EZR: variants seen among roughly 807,000 people sequenced by gnomAD.
EZR encodes the protein ezrin, also known as cytovillin 2.
EZR carries 40 observed loss-of-function variants against 74.8 expected under a neutral mutation model. That is an observed-to-expected ratio of 0.53 (90% CI 0.42 to 0.70). EZR has a LOEUF of 0.70. Ranked by LOEUF, EZR falls within the 30% of genes least tolerant of loss-of-function variation. The pLI is 0.00. For synonymous variants in EZR, 341 were observed against 283.3 expected, an observed-to-expected ratio of 1.20 and a Z score of -2.05; for missense variants, 678 against 755.8, an observed-to-expected ratio of 0.90 and a Z score of 1.21.
chr6:158,818,138 T>G lies in EZR; in HGVS notation c.-45A>C. 1 of 1,604,858 alleles carries G rather than the reference T, an allele frequency of 6.2e-7. No individual in the cohort carries two copies. Among genetic ancestry groups the G allele is most frequent in the African/African-American group, 1.3e-5 (1 of 74,810 alleles). On this transcript the variant is annotated 5_prime_UTR_variant, in exon 2 of 14. Coordinates refer to ENST00000367075, the MANE Select transcript of EZR (RefSeq NM_001111077.2). ...TCCTCGATCCCCGAAAACACGACTA[T>G]CCAGCAGCAGCGAAGACGCTGTCCC...
At position 158,769,935 on chromosome 6, in the gene EZR, T is replaced by C. The variant is rs573888893; in HGVS notation, c.1100A>G (p.Glu367Gly). 33 of 1,610,276 alleles carry C rather than the reference T, an allele frequency of 2.0e-5. 1 individual carries two copies. The South Asian group carries it at 3.4e-4, about 17-fold the overall frequency. Residue 367 changes from glutamate (E) to glycine (G), a missense_variant, in exon 11 of 14, where the codon GAG becomes GGG. Glu to Gly is a moderately conservative substitution (Grantham distance 98). Coordinates refer to ENST00000367075, the MANE Select transcript of EZR (RefSeq NM_001111077.2). ...CAGCTGCAGGGCCCTCTGAATCTGC[T>C]CCGAGAGCTCTGCAAAGACACAAAG... ...KTKKAERELSEQIQRALQLEE... is the reference protein window; with the variant it reads ...KTKKAERELSGQIQRALQLEE...
intron 2 of EZR, among the ~76,000 whole-genome samples, chr6:158,794,759 A>C (rs1243412706): frequency 6.6e-6 from 1 of 152,156 alleles, no homozygotes; most frequent in African/African-American, 2.4e-5. Context: ...AAAAAGGGCA[A>C]TATTTCTCCC....
rs1344100019 is a variant in EZR at position 158,785,444 on chromosome 6, AGGATTCCTTCCTTCACTTGG to A, written c.312_331del (p.Gln105Ter). 1 of 1,614,118 alleles carries A rather than the reference AGGATTCCTTCCTTCACTTGG, an allele frequency of 6.2e-7. No individual in the cohort carries two copies. Among genetic ancestry groups the A allele is most frequent in the Non-Finnish European group, 8.5e-7 (1 of 1,180,044 alleles). ...AGGGGGGCAGTAGATCTCATCGCTA[AGGATTCCTTCCTTCACTTGG>A]AGGAAGAAAAGTTTCTGGGTGATGT... On this transcript the variant is annotated frameshift_variant, in exon 5 of 14. Coordinates refer to ENST00000367075, the MANE Select transcript of EZR (RefSeq NM_001111077.2). LOFTEE classifies it high-confidence loss of function.
At chr6:158,805,770 T>C (rs1007297584) in intron 2 of EZR, among the ~76,000 whole-genome samples, 1 of 152,244 alleles carries the variant, frequency 6.6e-6, no homozygotes, top group Non-Finnish European at 1.5e-5. Context: ...CATTATAATT[T>C]GTACATCATT....
In EZR at chr6:158,812,938, C is replaced by G. The variant is rs946511064; in HGVS notation, c.12+5144G>C. Reference sequence around the variant, plus strand: ...CCACTTCTGTTCCCACCACCACCACCTTGGTCCAAGCTATGAGCTCCCTCA... The same window carrying G: ...CCACTTCTGTTCCCACCACCACCACGTTGGTCCAAGCTATGAGCTCCCTCA... On this transcript the variant is annotated intron_variant, in intron 2 of 13. Transcript: ENST00000367075. 2.6e-5 allele frequency among the ~76,000 whole-genome samples: 4 copies of G among 152,198 alleles called. No homozygotes were observed. In the East Asian group the frequency reaches 7.7e-4, roughly 29 times the overall value.
chr6:158,792,194 C>T (rs1791766389), intron 2 of EZR, among the ~76,000 whole-genome samples: 1 of 152,098 alleles, frequency 6.6e-6, no homozygotes, highest in African/African-American at 2.4e-5. Context: ...AAAGTTCACA[C>T]AACCCTTTTA....
intron 2 of EZR, among the ~76,000 whole-genome samples, chr6:158,807,084 G>C (rs542118263): frequency 1.7e-3 from 260 of 152,176 alleles, no homozygotes; most frequent in African/African-American, 6.0e-3. Context: ...AGGCTGAGGC[G>C]GGCGGATCAT....
chr6:158,811,351 AAC>A (rs1247555289), intron 2 of EZR, among the ~76,000 whole-genome samples: 4 of 47,140 alleles, frequency 8.5e-5, no homozygotes, highest in Non-Finnish European at 2.6e-4. Flanking sequence ...TGAAACATCT[AAC>A]TACCATTAGA....
intron 2 of EZR, among the ~76,000 whole-genome samples, chr6:158,803,445 T>C (rs890698670): frequency 4.0e-5 from 6 of 148,616 alleles, no homozygotes; most frequent in Non-Finnish European, 7.4e-5. Flanking sequence ...ACTCCTAAAA[T>C]AGTATCTTTA....
At chr6:158,779,221 A>G (rs1313893164) in intron 7 of EZR, among the ~76,000 whole-genome samples, 1 of 152,190 alleles carries the variant, frequency 6.6e-6, no homozygotes, top group African/African-American at 2.4e-5. Context: ...TAATGAGAAA[A>G]CACCAGACAA....
At chr6:158,793,701 T>C (rs1337457794) in intron 2 of EZR, among the ~76,000 whole-genome samples, 3 of 152,050 alleles carry the variant, frequency 2.0e-5, no homozygotes, top group Non-Finnish European at 2.9e-5. Flanking sequence ...CACTGGAACA[T>C]CTAAAAGCAA....
Position 158,784,704 on chromosome 6 carries a change from G to C in EZR, c.491C>G (p.Thr164Ser), listed in dbSNP as rs767690814. 2 of 1,614,164 alleles carry C rather than the reference G, an allele frequency of 1.2e-6. No individual in the cohort carries two copies. The highest frequency in any genetic ancestry group is 1.1e-5 in the South Asian group (1 of 91,078). ...PQRVMDQHKL[T>S]RDQWEDRIQV... ...GATCCGGTCCTCCCACTGGTCCCTGGTAAGTTTGTGCTGGTCCATCACTCT... is the reference window on the plus strand; with the variant it reads ...GATCCGGTCCTCCCACTGGTCCCTGCTAAGTTTGTGCTGGTCCATCACTCT... Residue 164 changes from threonine (T) to serine (S), a missense_variant, in exon 6 of 14, where the codon ACC becomes AGC. Thr to Ser is a moderately conservative substitution (Grantham distance 58). Coordinates refer to ENST00000367075, the MANE Select transcript of EZR (RefSeq NM_001111077.2).
chr6:158,791,683 A>T (rs1486168772), intron 2 of EZR, among the ~76,000 whole-genome samples: 3 of 147,836 alleles, frequency 2.0e-5, no homozygotes, highest in Non-Finnish European at 4.5e-5. Context: ...ACCAGAGTCC[A>T]TGCACACGAG....
rs1273626873 is a variant in EZR at position 158,801,509 on chromosome 6, C to T, written c.13-12138G>A. On this transcript the variant is annotated intron_variant, in intron 2 of 13. Transcript: ENST00000367075. ...TGCACAGAATTGTAACAAAAATTGT[C>T]ACATAATTCAGTAACATTTCAGTGC... Among the ~76,000 whole-genome samples the T allele has an allele frequency of 2.0e-5, 3 of 152,218 alleles. No homozygotes were observed. In the South Asian group the frequency reaches 6.2e-4, roughly 32 times the overall value.
chr6:158,803,911 C>A (rs1014734770), intron 2 of EZR, among the ~76,000 whole-genome samples: 1 of 151,488 alleles, frequency 6.6e-6, no homozygotes, highest in Non-Finnish European at 1.5e-5. Context: ...ACTTTCTGGG[C>A]ATTCACATTC....
At chr6:158,775,108 C>A (rs1791237479) in intron 8 of EZR, among the ~76,000 whole-genome samples, 2 of 149,042 alleles carry the variant, frequency 1.3e-5, no homozygotes, top group South Asian at 4.3e-4. Context: ...TCTCAGCTCA[C>A]TGCAACCTCT....
intron 9 of EZR, 73 bp downstream of exon 9, chr6:158,771,171 C>T: frequency 6.8e-7 from 1 of 1,466,970 alleles, no homozygotes; most frequent in African/African-American, 1.8e-5. Flanking sequence ...CCACAGTCAC[C>T]TGACAGGCAC....
In EZR at chr6:158,770,821, C is replaced by T. The variant is rs1562490194; in HGVS notation, c.1033G>A (p.Glu345Lys). ...TCCTGCAGCCGCAGCATCAACTCCT[C>T]CTTCTCGCGCATCATCTGCTCTTTC... is the stretch of plus-strand genomic sequence containing the variant. Reference protein sequence around the residue: ...REKEQMMREKEELMLRLQDYE... With the variant: ...REKEQMMREKKELMLRLQDYE... Residue 345 changes from glutamate to lysine, a missense_variant, in exon 10 of 14, where the codon GAG (glutamate) becomes AAG (lysine). Glu to Lys is a moderately conservative substitution (Grantham distance 56). Coordinates refer to ENST00000367075, the MANE Select transcript of EZR (RefSeq NM_001111077.2). The T allele has an allele frequency of 6.2e-7, 1 of 1,614,224 alleles. No homozygotes were observed. Among genetic ancestry groups the T allele is most frequent in the South Asian group, 1.1e-5 (1 of 91,088 alleles).
chr6:158,769,183 A>T, intron 12 of EZR, 143 bp downstream of exon 12: 1 of 648,654 alleles, frequency 1.5e-6, no homozygotes, highest in Non-Finnish European at 2.7e-6. Context: ...GAGGATCATG[A>T]GACATCCCAG....
Sources: allele counts gnomAD v4.1 joint callset (sites outside exome capture counted in the v4.1 genomes callset), GRCh38; gene constraint gnomAD v4.1.1; transcripts MANE v1.5; gene names NCBI Gene and HGNC (gene_info 2026-07-23, HGNC 2026-07-21).